KIF3B: variants seen among roughly 807,000 people sequenced by gnomAD.
KIF3B encodes the protein kinesin family member 3B, also known as kinesin-like protein KIF3B.
A neutral mutation model predicts 74.3 loss-of-function variants in KIF3B; 38 were observed. That is an observed-to-expected ratio of 0.51 (90% CI 0.39 to 0.67). KIF3B has a LOEUF of 0.67. KIF3B is among the 30% of genes least tolerant of loss of function. The pLI, the probability that KIF3B is intolerant of heterozygous loss-of-function variation, is 0.00. For missense variants in KIF3B, 649 were observed against 932.0 expected, an observed-to-expected ratio of 0.70 and a Z score of 3.95; for synonymous variants, 326 against 342.5, an observed-to-expected ratio of 0.95 and a Z score of 0.53.
chr20:32,304,186 T>C (rs998691690), intron 1 of KIF3B, among the ~76,000 whole-genome samples: 2 of 152,236 alleles, frequency 1.3e-5, no homozygotes, highest in African/African-American at 2.4e-5. Flanking sequence ...AGAAGAAATA[T>C]GAAAAGCAAC....
chr20:32,291,156 T>C (rs2047689373), intron 1 of KIF3B, among the ~76,000 whole-genome samples: 1 of 152,120 alleles, frequency 6.6e-6, no homozygotes, highest in Admixed American at 6.6e-5. Flanking sequence ...CTTTGCAAGA[T>C]GAAAAAGTTC....
At chr20:32,300,072 G>A (rs6087868) in intron 1 of KIF3B, among the ~76,000 whole-genome samples, 30,361 of 145,970 alleles carry the variant, frequency 0.21, 3,343 homozygotes, top group African/African-American at 0.31. Context: ...CGCCACACTG[G>A]CCTGTTTTGT....
intron 1 of KIF3B, among the ~76,000 whole-genome samples, chr20:32,284,615 C>A (rs2047659055): frequency 1.3e-5 from 2 of 152,030 alleles, no homozygotes; most frequent in African/African-American, 4.8e-5. Context: ...ACAGTGAGAC[C>A]TCCTCTGTAT....
intron 1 of KIF3B, among the ~76,000 whole-genome samples, chr20:32,286,792 A>G (rs963398777): frequency 6.6e-6 from 1 of 152,194 alleles, no homozygotes; most frequent in African/African-American, 2.4e-5. Flanking sequence ...GCCATTTTCA[A>G]CATTTAAACA....
intron 1 of KIF3B, among the ~76,000 whole-genome samples, chr20:32,298,344 GAA>G (rs2122672641): frequency 6.6e-6 from 1 of 150,470 alleles, no homozygotes; most frequent in East Asian, 2.0e-4. Flanking sequence ...GGCTGAGGCG[GAA>G]AATCGCCAGG....
intron 1 of KIF3B, among the ~76,000 whole-genome samples, chr20:32,293,786 CA>C (rs2047703907): frequency 6.6e-6 from 1 of 152,172 alleles, no homozygotes; most frequent in South Asian, 2.1e-4. Flanking sequence ...GGAAGATTTA[CA>C]TGTTCACTGT....
intron 1 of KIF3B, among the ~76,000 whole-genome samples, chr20:32,302,564 C>T (rs915576502): frequency 2.0e-5 from 3 of 152,158 alleles, no homozygotes; most frequent in Non-Finnish European, 2.9e-5. Context: ...AGGTAAAAGT[C>T]GGACAGCTCC....
chr20:32,311,934 C>G (rs1396305045), intron 2 of KIF3B, among the ~76,000 whole-genome samples: 2 of 151,332 alleles, frequency 1.3e-5, no homozygotes, highest in Admixed American at 1.3e-4. Context: ...TCCAGAGTAC[C>G]TGGGATTACA....
intron 5 of KIF3B, among the ~76,000 whole-genome samples, chr20:32,324,566 G>T (rs564680327): frequency 6.6e-6 from 1 of 152,286 alleles, no homozygotes; most frequent in East Asian, 1.9e-4. Flanking sequence ...ACGTTAATGT[G>T]CAGCCTGGCC....
chr20:32,330,627 C>G (rs1202082830), intron 8 of KIF3B, among the ~76,000 whole-genome samples: 2 of 152,202 alleles, frequency 1.3e-5, no homozygotes, highest in Non-Finnish European at 2.9e-5. Context: ...CAAACATTCT[C>G]TTAATGATTT....
At position 32,281,721 on chromosome 20, in the gene KIF3B, A is replaced by C. The variant is rs147028981; in HGVS notation, c.-66+3956A>C. Reference sequence around the variant, plus strand: ...AACAGAGCGAGACTCCATCTCAAAAAGAAAAAAAACCCAACAAACAAAAAG... The same window carrying C: ...AACAGAGCGAGACTCCATCTCAAAACGAAAAAAAACCCAACAAACAAAAAG... On this transcript the variant is annotated intron_variant, in intron 1 of 8. Coordinates refer to ENST00000375712, the MANE Select transcript of KIF3B (RefSeq NM_004798.4). Among the ~76,000 whole-genome samples, 706 of 152,302 alleles carry C rather than the reference A, an allele frequency of 4.6e-3. 6 individuals are homozygous for C. Among genetic ancestry groups the C allele is most frequent in the African/African-American group, 0.016 (650 of 41,560 alleles).
chr20:32,323,713 A>G (rs751160377), intron 5 of KIF3B, among the ~76,000 whole-genome samples: 26 of 151,916 alleles, frequency 1.7e-4, no homozygotes, highest in Non-Finnish European at 3.2e-4. Flanking sequence ...CCCCATCTCT[A>G]CTAAAAATAC....
intron 1 of KIF3B, among the ~76,000 whole-genome samples, chr20:32,289,109 A>G (rs964798298): frequency 6.6e-6 from 1 of 152,010 alleles, no homozygotes; most frequent in Non-Finnish European, 1.5e-5. Flanking sequence ...ATTATGTTGA[A>G]TGTAGTGGTG....
intron 2 of KIF3B, among the ~76,000 whole-genome samples, chr20:32,315,898 C>T (rs537488188): frequency 6.6e-6 from 1 of 151,910 alleles, no homozygotes; most frequent in South Asian, 2.1e-4. Context: ...TCCCCAGGAC[C>T]TAACATAAAG....
chr20:32,305,644 A>G (rs1428821901), intron 1 of KIF3B, among the ~76,000 whole-genome samples: 1 of 134,036 alleles, frequency 7.5e-6, no homozygotes, highest in Non-Finnish European at 1.5e-5. Context: ...GTGCAATGGC[A>G]CAATCTTGGC....
intron 1 of KIF3B, among the ~76,000 whole-genome samples, chr20:32,299,497 C>T (rs760420503): frequency 3.5e-5 from 5 of 143,986 alleles, no homozygotes; most frequent in African/African-American, 1.0e-4. Flanking sequence ...TTGCAACCTC[C>T]GACTCTTGGG....
rs1424602118 is a variant in KIF3B, at chr20:32,299,399, A to AT, written c.-65-10313dup. Among the ~76,000 whole-genome samples the AT allele has an allele frequency of 9.1e-4, 29 of 31,752 alleles. 1 individual carries two copies. The highest frequency in any genetic ancestry group is 4.5e-3 in the African/African-American group (24 of 5,282). The allele number at this position is 31,752 out of a possible 152,430, so 20.8% of individuals were successfully genotyped here. Reference sequence around the variant, plus strand: ...TGTGTGTATATATATATATATATATATATATTTTTTTTTTTTTTTTTTTTT... The same window carrying AT: ...TGTGTGTATATATATATATATATATATTATATTTTTTTTTTTTTTTTTTTTT... On this transcript the variant is annotated intron_variant, in intron 1 of 8. Transcript: ENST00000375712.
chr20:32,317,121 T>TA (rs11482037), intron 5 of KIF3B, among the ~76,000 whole-genome samples: 52,335 of 152,008 alleles, frequency 0.34, 10,284 homozygotes, highest in East Asian at 0.74. Flanking sequence ...CCTGTAGTCC[T>TA]AGCTACTTGG....
rs556319133 is a variant in KIF3B at position 32,313,225 on chromosome 20, C to T, written c.1404+2044C>T. 3.3e-5 allele frequency among the ~76,000 whole-genome samples: 5 copies of T among 152,304 alleles called. No individual in the cohort carries two copies. The East Asian group carries it at 7.7e-4, about 23-fold the overall frequency. On this transcript the variant is annotated intron_variant, in intron 2 of 8. Transcript: ENST00000375712. ...CAGTTGCCTGGACTCTGAGCTTCCA[C>T]TGGGCTTTAATGGCAGAGGAGAGTG... is the stretch of plus-strand genomic sequence containing the variant.
Sources: allele counts gnomAD v4.1 joint callset (sites outside exome capture counted in the v4.1 genomes callset), GRCh38; gene constraint gnomAD v4.1.1; transcripts MANE v1.5; gene names NCBI Gene and HGNC (gene_info 2026-07-23, HGNC 2026-07-21).